Variants in KIAA1217 observed in about 807,000 individuals in gnomAD.
The protein encoded by KIAA1217 is sickle tail protein homolog.
A neutral mutation model predicts 163.9 loss-of-function variants in KIAA1217; 88 were observed. That is an observed-to-expected ratio of 0.54 (90% confidence interval 0.45 to 0.64). KIAA1217 has a LOEUF of 0.64. Among genes scored for constraint, KIAA1217 ranks in the 30% least tolerant of loss-of-function variants. KIAA1217 has a pLI of 0.00. For missense variants in KIAA1217, 2,372 were observed against 2,475.0 expected (o/e 0.96, Z 0.88); for synonymous variants, 903 against 923.1 (o/e 0.98, Z 0.39).
chr10:23,737,501 C>T (rs1186559541), intron 1 of KIAA1217, among the ~76,000 whole-genome samples: 4 of 152,042 alleles, frequency 2.6e-5, no homozygotes, highest in Non-Finnish European at 4.4e-5. Flanking sequence ...GCCACATTAA[C>T]GTTTTAATAG....
intron 2 of KIAA1217, among the ~76,000 whole-genome samples, chr10:24,069,903 A>G (rs909943390): frequency 2.0e-5 from 3 of 152,114 alleles, no homozygotes; most frequent in African/African-American, 7.2e-5. Flanking sequence ...GCAGTGGTGC[A>G]ATCATAGCTC....
chr10:24,357,792 CA>C (rs1163603665), intron 2 of KIAA1217, among the ~76,000 whole-genome samples: 1 of 152,124 alleles, frequency 6.6e-6, no homozygotes, highest in Non-Finnish European at 1.5e-5. Flanking sequence ...GACCAAGAAG[CA>C]ATAACGCATA....
chr10:24,286,100 G>A (rs535908586), intron 2 of KIAA1217, among the ~76,000 whole-genome samples: 2 of 152,248 alleles, frequency 1.3e-5, no homozygotes, highest in East Asian at 3.9e-4. Context: ...ATCAGGTCTA[G>A]GAGCCTTTTG....
intron 2 of KIAA1217, among the ~76,000 whole-genome samples, chr10:24,254,856 A>AC (rs1291852200): frequency 1.4e-5 from 2 of 143,114 alleles, no homozygotes; most frequent in Non-Finnish European, 3.1e-5. Flanking sequence ...TTCAACTCTA[A>AC]TTTTTTTTTT....
intron 5 of KIAA1217, among the ~76,000 whole-genome samples, chr10:24,452,695 A>T (rs961697494): frequency 2.4e-4 from 37 of 151,742 alleles, no homozygotes; most frequent in African/African-American, 8.2e-4. Context: ...AAAAAAAAAA[A>T]AAAATAGAAT....
At chr10:24,316,543 C>A (rs2043396189) in intron 2 of KIAA1217, among the ~76,000 whole-genome samples, 1 of 152,132 alleles carries the variant, frequency 6.6e-6, no homozygotes, top group Non-Finnish European at 1.5e-5. Flanking sequence ...CCCATGTCCA[C>A]CCCTAGTGGA....
chr10:24,164,256 T>G (rs2065243468), intron 2 of KIAA1217, among the ~76,000 whole-genome samples: 1 of 152,196 alleles, frequency 6.6e-6, no homozygotes, highest in Non-Finnish European at 1.5e-5. Context: ...CCAGGACATT[T>G]GTACTTGCCC....
intron 1 of KIAA1217, among the ~76,000 whole-genome samples, chr10:23,846,941 T>C (rs1588937875): frequency 6.6e-6 from 1 of 152,298 alleles, no homozygotes; most frequent in Admixed American, 6.5e-5. Context: ...GTTTTTAGCA[T>C]GAAGGGATGT....
chr10:24,343,608 T>C (rs220345), intron 2 of KIAA1217, among the ~76,000 whole-genome samples: 59,653 of 152,076 alleles, frequency 0.39, 11,854 homozygotes, highest in Admixed American at 0.43. Context: ...TCAGAAATCT[T>C]TCCTCTCATA....
intron 1 of KIAA1217, among the ~76,000 whole-genome samples, chr10:23,716,322 C>G (rs1368023962): frequency 1.3e-5 from 2 of 152,074 alleles, no homozygotes; most frequent in Non-Finnish European, 2.9e-5. Flanking sequence ...ATTTCCTTTG[C>G]ATTGGTTTCT....
At position 24,302,726 on chromosome 10, in the gene KIAA1217, C is replaced by A. The variant is rs552219405; in HGVS notation, c.355-78143C>A. Among the ~76,000 whole-genome samples the A allele has an allele frequency of 7.2e-5, 11 of 151,982 alleles. No homozygotes were observed. In the South Asian group the frequency reaches 2.3e-3, roughly 32 times the overall value. On this transcript the variant is annotated intron_variant, in intron 2 of 20. Transcript: ENST00000376454. ...GTGTAAGGGAAATCGACACAGGAGA[C>A]CTTAAAGAGAAGGCCTTCTGGATGA...
chr10:24,012,240 A>C (rs1237742135), intron 2 of KIAA1217, among the ~76,000 whole-genome samples: 1 of 152,152 alleles, frequency 6.6e-6, no homozygotes, highest in African/African-American at 2.4e-5. Context: ...GGTGGTTTTA[A>C]ACTCCCATTG....
intron 2 of KIAA1217, among the ~76,000 whole-genome samples, chr10:24,128,671 G>T (rs753749955): frequency 2.0e-4 from 31 of 152,236 alleles, no homozygotes; most frequent in Non-Finnish European, 4.3e-4. Context: ...TTTAATTGAC[G>T]TCTGTGACTA....
intron 1 of KIAA1217, among the ~76,000 whole-genome samples, chr10:23,901,079 G>A (rs1431316058): frequency 2.6e-5 from 4 of 152,004 alleles, no homozygotes; most frequent in Admixed American, 6.6e-5. Flanking sequence ...ACAATAATAA[G>A]CACTAACACT....
intron 2 of KIAA1217, among the ~76,000 whole-genome samples, chr10:24,069,475 T>G (rs978460198): frequency 6.6e-6 from 1 of 152,310 alleles, no homozygotes; most frequent in East Asian, 1.9e-4. Flanking sequence ...GAATAGAAGC[T>G]TTTCCTTTGG....
chr10:23,934,711 G>A (rs1319888940), intron 1 of KIAA1217, among the ~76,000 whole-genome samples: 1 of 147,480 alleles, frequency 6.8e-6, no homozygotes, highest in Non-Finnish European at 1.5e-5. Context: ...TCTGTCTCCC[G>A]GGTTCACGCC....
At chr10:23,999,818 G>A (rs1221005143) in intron 1 of KIAA1217, among the ~76,000 whole-genome samples, 1 of 152,170 alleles carries the variant, frequency 6.6e-6, no homozygotes, top group Non-Finnish European at 1.5e-5. Flanking sequence ...CCAGCATTTT[G>A]GGAGGCCAAG....
At chr10:23,906,494 A>T (rs113878973) in intron 1 of KIAA1217, among the ~76,000 whole-genome samples, 2,771 of 152,268 alleles carry the variant, frequency 0.018, 89 homozygotes, top group African/African-American at 0.06. Flanking sequence ...TAAAATTATG[A>T]TAAATTTTTA....
At chr10:24,334,485 A>AAGGAAGGAAGGAAGG (rs2046106171) in intron 2 of KIAA1217, among the ~76,000 whole-genome samples, 1 of 146,420 alleles carries the variant, frequency 6.8e-6, no homozygotes, top group Non-Finnish European at 1.5e-5. Context: ...GGAAGGAAGG[A>AAGGAAGGAAGGAAGG]ACTTACTTGA....
Sources: gnomAD v4.1 joint callset for allele counts (sites outside exome capture counted in the v4.1 genomes callset) on GRCh38, gnomAD v4.1.1 for gene constraint, MANE v1.5 for transcripts, NCBI Gene and HGNC (gene_info 2026-07-23, HGNC 2026-07-21) for gene names.